COG5: variants seen among roughly 807,000 people sequenced by gnomAD.
COG5 encodes the protein conserved oligomeric Golgi complex subunit 5.
Under a neutral mutation model 110.4 loss-of-function variants are expected in COG5, and 86 were observed. The observed-to-expected ratio is 0.78, with a 90% CI of 0.65 to 0.93. The LOEUF (loss-of-function observed/expected upper bound fraction) is 0.93, where lower values mean the gene tolerates loss of function less well. Among genes scored for constraint, COG5 ranks in the 40% least tolerant of loss-of-function variants. The pLI, the probability that COG5 is intolerant of heterozygous loss-of-function variation, is 0.00. For missense variants in COG5, 1,077 were observed against 987.0 expected, an observed-to-expected ratio of 1.09 and a Z score of -1.22; for synonymous variants, 360 against 334.6, an observed-to-expected ratio of 1.08 and a Z score of -0.83.
At chr7:107,429,593 T>G (rs1455064256) in intron 6 of COG5, among the ~76,000 whole-genome samples, 1 of 152,132 alleles carries the variant, frequency 6.6e-6, no homozygotes, top group Non-Finnish European at 1.5e-5. Context: ...CTTTTGCTCA[T>G]TTTTTAGTTG....
chr7:107,508,118 C>A (rs890164435), intron 6 of COG5, among the ~76,000 whole-genome samples: 2 of 152,212 alleles, frequency 1.3e-5, no homozygotes, highest in African/African-American at 2.4e-5. Context: ...TCAGGGAGTT[C>A]CCTTTCCTAG....
intron 19 of COG5, among the ~76,000 whole-genome samples, chr7:107,218,932 G>C (rs1190643457): frequency 6.6e-6 from 1 of 151,912 alleles, no homozygotes; most frequent in African/African-American, 2.4e-5. Flanking sequence ...ACAACTAATA[G>C]ATTAGAAGAA....
intron 19 of COG5, among the ~76,000 whole-genome samples, chr7:107,225,801 G>T (rs994148019): frequency 1.3e-5 from 2 of 152,206 alleles, no homozygotes; most frequent in Non-Finnish European, 2.9e-5. Flanking sequence ...CCAACACTTT[G>T]GGAGGCCGAG....
intron 13 of COG5, 47 bp downstream of exon 13, chr7:107,283,524 A>G (rs1211227286): frequency 6.6e-7 from 1 of 1,505,922 alleles, no homozygotes; most frequent in South Asian, 1.1e-5. Context: ...ATCACTAACA[A>G]ATATGGCAGT....
intron 16 of COG5, among the ~76,000 whole-genome samples, chr7:107,256,031 G>A (rs1487231771): frequency 1.3e-5 from 2 of 152,078 alleles, no homozygotes; most frequent in Non-Finnish European, 2.9e-5. Context: ...ATTTCAAAAT[G>A]TGCCTCTCTA....
chr7:107,422,381 G>T (rs191717651), intron 6 of COG5, among the ~76,000 whole-genome samples: 3 of 152,038 alleles, frequency 2.0e-5, no homozygotes, highest in Non-Finnish European at 2.9e-5. Flanking sequence ...ACAAAAATTA[G>T]CCGGACATGG....
intron 7 of COG5, among the ~76,000 whole-genome samples, chr7:107,377,400 G>T (rs1814729476): frequency 6.6e-6 from 1 of 151,556 alleles, no homozygotes; most frequent in Non-Finnish European, 1.5e-5. Context: ...GTTTTTGTTG[G>T]GTCTGTTATT....
Position 107,413,618 on chromosome 7 carries a change from T to C in COG5, c.539-986A>G, listed in dbSNP as rs1389363134. 3.3e-5 allele frequency among the ~76,000 whole-genome samples: 5 copies of C among 152,124 alleles called. No individual in the cohort carries two copies. The East Asian group carries it at 7.7e-4, about 24-fold the overall frequency. ...TCACCACAGAAGAATAGAGGGATTA[T>C]GATACTAAATTTCCCCTCCCATTTA... On this transcript the variant is annotated intron_variant, in intron 6 of 21. Coordinates refer to ENST00000297135, the MANE Select transcript of COG5 (RefSeq NM_006348.5).
chr7:107,234,298 T>C (rs1800996363), intron 18 of COG5, among the ~76,000 whole-genome samples: 1 of 152,208 alleles, frequency 6.6e-6, no homozygotes, highest in Non-Finnish European at 1.5e-5. Context: ...TTAGTAATAA[T>C]GACTGATGAG....
At chr7:107,463,723 T>C (rs972574141) in intron 6 of COG5, among the ~76,000 whole-genome samples, 13 of 152,134 alleles carry the variant, frequency 8.5e-5, no homozygotes, top group African/African-American at 2.9e-4. Flanking sequence ...GGAGACTACA[T>C]TATTTCCTAA....
At chr7:107,309,335 C>T (rs927041360) in intron 11 of COG5, among the ~76,000 whole-genome samples, 3 of 152,004 alleles carry the variant, frequency 2.0e-5, no homozygotes, top group African/African-American at 7.2e-5. Context: ...TTGATTTTTA[C>T]AGTTCGTTTT....
At chr7:107,527,132 T>C (rs1800822511) in intron 6 of COG5, 105 bp downstream of exon 6, 2 of 1,007,866 alleles carry the variant, frequency 2.0e-6, no homozygotes, top group Admixed American at 2.7e-5. Context: ...TAAAAATTTG[T>C]TTAATAGTAC....
intron 6 of COG5, among the ~76,000 whole-genome samples, chr7:107,429,383 T>C (rs1793859416): frequency 6.6e-6 from 1 of 152,160 alleles, no homozygotes; most frequent in African/African-American, 2.4e-5. Flanking sequence ...CTAATGATAC[T>C]GACCACCTTT....
intron 12 of COG5, among the ~76,000 whole-genome samples, chr7:107,288,974 A>G (rs1247361112): frequency 2.4e-5 from 3 of 125,864 alleles, no homozygotes; most frequent in African/African-American, 8.9e-5. Flanking sequence ...TTAAAAATTT[A>G]TCTATATTTT....
intron 19 of COG5, among the ~76,000 whole-genome samples, chr7:107,227,884 C>T (rs972791912): frequency 2.6e-5 from 4 of 152,022 alleles, no homozygotes; most frequent in African/African-American, 9.7e-5. Context: ...AATTTTTGTA[C>T]TTTTTGGTAG....
intron 6 of COG5, among the ~76,000 whole-genome samples, chr7:107,436,669 T>C (rs1020207520): frequency 1.3e-5 from 2 of 152,312 alleles, no homozygotes; most frequent in South Asian, 2.1e-4. Flanking sequence ...TAAACTTTCA[T>C]TGTAAATAAA....
chr7:107,262,513 T>C (rs61003504), intron 14 of COG5, among the ~76,000 whole-genome samples: 70 of 152,282 alleles, frequency 4.6e-4, no homozygotes, highest in African/African-American at 1.7e-3. Flanking sequence ...AGGAAAATTC[T>C]AGTCCTGGGT....
At chr7:107,429,537 A>C (rs933533903) in intron 6 of COG5, among the ~76,000 whole-genome samples, 20 of 151,470 alleles carry the variant, frequency 1.3e-4, no homozygotes, top group African/African-American at 4.9e-4. Flanking sequence ...AAGCAGTCCT[A>C]CTGTTTCAAC....
chr7:107,278,147 C>G (rs778092575), intron 14 of COG5, among the ~76,000 whole-genome samples: 3 of 152,136 alleles, frequency 2.0e-5, no homozygotes, highest in Non-Finnish European at 4.4e-5. Flanking sequence ...TTGCAAGTCA[C>G]TCTTTCTGAA....
Sources: allele counts gnomAD v4.1 joint callset (sites outside exome capture counted in the v4.1 genomes callset), GRCh38; gene constraint gnomAD v4.1.1; transcripts MANE v1.5; gene names NCBI Gene and HGNC (gene_info 2026-07-23, HGNC 2026-07-21).